EVC2: variants seen among roughly 807,000 people sequenced by gnomAD.
EVC2 encodes the protein EvC ciliary complex subunit 2.
In EVC2, 148 loss-of-function variants were observed where a neutral mutation model predicts 149.3. That is an observed-to-expected ratio of 0.99 (90% CI 0.87 to 1.14). EVC2 has a LOEUF of 1.14. EVC2 is among the 50% of genes most tolerant of loss of function. The probability of loss-of-function intolerance (pLI) is 0.00; values close to 1 mark genes in which losing one functional copy is unlikely to be tolerated. For synonymous variants in EVC2, 776 were observed against 649.9 expected (o/e 1.19, Z -2.95); for missense variants, 1,854 against 1,627.3 (o/e 1.14, Z -2.40).
At position 5,623,820 on chromosome 4, in the gene EVC2, CCCTATCTGT is replaced by C. The variant is rs1308598885; in HGVS notation, c.2047-838_2047-830del. On this transcript the variant is annotated intron_variant, in intron 13 of 21. Transcript: ENST00000344408. ...TTTTACCCTCTCTGCGCCTCCATTT[CCCTATCTGT>C]AAAATGGGGATAATAATAGGACCTC... is the stretch of plus-strand genomic sequence containing the variant. Among the ~76,000 whole-genome samples the C allele has an allele frequency of 3.3e-5, 5 of 152,276 alleles. No individual in the cohort carries two copies. In the East Asian group the frequency reaches 9.6e-4, roughly 29 times the overall value.
Position 5,576,163 on chromosome 4 carries a change from G to A in EVC2, c.3272+77C>T. On this transcript the variant is annotated intron_variant, in intron 18 of 21. Transcript: ENST00000344408. The surrounding 1 kb of genome is among the most constrained non-coding windows in gnomAD (Gnocchi z 4.5). ...GTGAGAGCCCAGGTGGGTATGGGTGGGCTGAGTTGGAGATGCCAGGTTCTC... is the reference window on the plus strand; with the variant it reads ...GTGAGAGCCCAGGTGGGTATGGGTGAGCTGAGTTGGAGATGCCAGGTTCTC... The A allele has an allele frequency of 1.1e-5, 18 of 1,611,346 alleles. No individual in the cohort carries two copies. Among genetic ancestry groups the A allele is most frequent in the Non-Finnish European group, 1.4e-5 (17 of 1,179,838 alleles).
chr4:5,564,756 C>A (rs1161941395), intron 21 of EVC2, among the ~76,000 whole-genome samples: 1 of 152,110 alleles, frequency 6.6e-6, no homozygotes, highest in Non-Finnish European at 1.5e-5. Flanking sequence ...ATAGCCACAG[C>A]CAAGGAAAAA....
intron 8 of EVC2, among the ~76,000 whole-genome samples, chr4:5,664,444 T>TA (rs1719118247): frequency 6.6e-6 from 1 of 152,212 alleles, no homozygotes; most frequent in African/African-American, 2.4e-5. Context: ...TGATCTGCCT[T>TA]AATCTCTGGA....
chr4:5,707,392 T>C (rs1722278985), intron 1 of EVC2, among the ~76,000 whole-genome samples: 1 of 150,734 alleles, frequency 6.6e-6, no homozygotes, highest in African/African-American at 2.4e-5. Context: ...AGGAGAGAGG[T>C]GGGAGGACCT....
At chr4:5,673,294 G>C (rs930200228) in intron 7 of EVC2, among the ~76,000 whole-genome samples, 1 of 152,230 alleles carries the variant, frequency 6.6e-6, no homozygotes, top group South Asian at 2.1e-4. Flanking sequence ...GTATATGTAA[G>C]AAGCCAGACA....
chr4:5,663,964 G>T (rs535405208), intron 8 of EVC2, among the ~76,000 whole-genome samples: 68 of 152,198 alleles, frequency 4.5e-4, no homozygotes, highest in South Asian at 1.7e-3. Context: ...TTGTGAGCTG[G>T]AAGTGACATT....
intron 21 of EVC2, among the ~76,000 whole-genome samples, chr4:5,546,728 G>GAA (rs542465431): frequency 1.4e-4 from 21 of 145,964 alleles, no homozygotes; most frequent in African/African-American, 5.0e-4. Context: ...TAATAAAATT[G>GAA]AAAAAAAAAA....
At position 5,625,299 on chromosome 4, in the gene EVC2, C is replaced by T. The variant is rs1021285201; in HGVS notation, c.2046+450G>A. ...GCGTGCCACTTACTAGATATTTGACCTTGACCATACACACACACACACACA... is the reference window on the plus strand; with the variant it reads ...GCGTGCCACTTACTAGATATTTGACTTTGACCATACACACACACACACACA... On this transcript the variant is annotated intron_variant, in intron 13 of 21. Transcript: ENST00000344408. This position sits in a 1 kb window ranked among gnomAD's most constrained non-coding sequence, Gnocchi z 4.0. Among the ~76,000 whole-genome samples the T allele has an allele frequency of 7.1e-6, 1 of 140,734 alleles. No individual in the cohort carries two copies. The highest frequency in any genetic ancestry group is 1.5e-5 in the Non-Finnish European group (1 of 65,828). The allele number at this position is 140,734 out of a possible 152,430, so 92.3% of individuals were successfully genotyped here.
chr4:5,662,170 C>T (rs1488694098), intron 9 of EVC2, among the ~76,000 whole-genome samples: 5 of 152,220 alleles, frequency 3.3e-5, no homozygotes, highest in East Asian at 1.9e-4. Flanking sequence ...GCTCCTTTCA[C>T]GTCCTTACAT....
chr4:5,665,049 G>C (rs1218105923), intron 8 of EVC2, among the ~76,000 whole-genome samples: 1 of 151,672 alleles, frequency 6.6e-6, no homozygotes, highest in Non-Finnish European at 1.5e-5. Context: ...GATGCCCGTG[G>C]GTAATGGGAT....
At chr4:5,683,628 T>C (rs1720494740) in intron 6 of EVC2, among the ~76,000 whole-genome samples, 1 of 151,998 alleles carries the variant, frequency 6.6e-6, no homozygotes. Context: ...GTAGAGTCAA[T>C]ATCACAGACA....
At position 5,640,728 on chromosome 4, in the gene EVC2, T is replaced by C. The variant is rs1473983901; in HGVS notation, c.1256A>G (p.His419Arg). The C allele has an allele frequency of 1.9e-6, 3 of 1,614,016 alleles. No homozygotes were observed. The highest frequency in any genetic ancestry group is 2.5e-6 in the Non-Finnish European group (3 of 1,180,020). The change falls in exon 10 of 22, where the codon CAC becomes CGC. Residue 419 changes from histidine (H) to arginine (R), a missense_variant. By Grantham distance (29) the His-to-Arg change is conservative. Transcript: ENST00000344408. The surrounding 1 kb of genome is among the most constrained non-coding windows in gnomAD (Gnocchi z 4.6). ...TTTTCTCTCTACTTGGGGTGAGAGG[T>C]GGCCACTGCTGGTGAGATTTTTCAG... ...LLLKNLTSSG[H>R]LSPQVERKMS... is the part of the protein sequence containing the mutation.
At position 5,670,561 on chromosome 4, in the gene EVC2, T is replaced by C. The variant is rs188993814; in HGVS notation, c.871-4912A>G. ...TATCCCCATCACCATCATCTTCACA[T>C]TGGCCATCACCACCATCACTATCAA... On this transcript the variant is annotated intron_variant, in intron 7 of 21. Transcript: ENST00000344408. The surrounding 1 kb of genome is among the most constrained non-coding windows in gnomAD (Gnocchi z 5.2). Among the ~76,000 whole-genome samples the C allele has an allele frequency of 5.0e-4, 71 of 141,494 alleles. No individual in the cohort carries two copies. The highest frequency in any genetic ancestry group is 7.1e-4 in the Non-Finnish European group (46 of 64,930). The allele number at this position is 141,494 out of a possible 152,430, so 92.8% of individuals were successfully genotyped here.
In EVC2 at chr4:5,637,456, G is replaced by C. The variant is rs1302208728; in HGVS notation, c.1470+3058C>G. Among the ~76,000 whole-genome samples the C allele has an allele frequency of 6.6e-6, 1 of 150,680 alleles. No homozygotes were observed. The highest frequency in any genetic ancestry group is 2.4e-5 in the African/African-American group (1 of 41,340). On this transcript the variant is annotated intron_variant, in intron 10 of 21. Coordinates refer to ENST00000344408, the MANE Select transcript of EVC2 (RefSeq NM_147127.5). This position sits in a 1 kb window ranked among gnomAD's most constrained non-coding sequence, Gnocchi z 4.4. ...TGAGTTGTTGTGAACGCTAAAGAGA[G>C]TCAATGGGATGTGCTTGGAACAATG...
intron 16 of EVC2, among the ~76,000 whole-genome samples, chr4:5,607,134 G>A (rs1714457015): frequency 6.6e-6 from 1 of 152,104 alleles, no homozygotes; most frequent in Admixed American, 6.5e-5. Context: ...TTATGTATAA[G>A]GTCACCATAT....
intron 9 of EVC2, among the ~76,000 whole-genome samples, chr4:5,662,152 C>T (rs544781157): frequency 3.9e-5 from 6 of 152,240 alleles, no homozygotes; most frequent in East Asian, 1.9e-4. Context: ...TCTCACCAAA[C>T]GCACCTTGCT....
chr4:5,700,905 T>C (rs979478647), intron 1 of EVC2, among the ~76,000 whole-genome samples: 5 of 152,350 alleles, frequency 3.3e-5, no homozygotes, highest in Non-Finnish European at 5.9e-5. Flanking sequence ...TATGTGCTTA[T>C]TGCAGCTTCC....
chr4:5,544,393 T>C (rs1227284302), intron 21 of EVC2, among the ~76,000 whole-genome samples: 1 of 152,204 alleles, frequency 6.6e-6, no homozygotes, highest in Non-Finnish European at 1.5e-5. Context: ...TGGAAATAAT[T>C]TGATTATCCG....
Position 5,640,932 on chromosome 4 carries a change from G to C in EVC2, c.1146-94C>G, listed in dbSNP as rs1196241252. On this transcript the variant is annotated intron_variant, in intron 9 of 21. Coordinates refer to ENST00000344408, the MANE Select transcript of EVC2 (RefSeq NM_147127.5). This position sits in a 1 kb window ranked among gnomAD's most constrained non-coding sequence, Gnocchi z 4.6. ...GCTCTGAGGTTTTCATTTATGTGTA[G>C]GCAAGGGCTTTCTTCGTCTTCCTTT... 55 of 1,414,160 alleles carry C rather than the reference G, an allele frequency of 3.9e-5. No homozygotes were observed. The highest frequency in any genetic ancestry group is 5.1e-5 in the Admixed American group (3 of 58,476). 87.6% of individuals were successfully genotyped at this position (1,414,160 alleles called of 1,614,324 possible).
Sources: allele counts gnomAD v4.1 joint callset (sites outside exome capture counted in the v4.1 genomes callset), GRCh38; gene constraint gnomAD v4.1.1; non-coding constraint Gnocchi (gnomAD v3.1); transcripts MANE v1.5; gene names NCBI Gene and HGNC (gene_info 2026-07-23, HGNC 2026-07-21).